The following HHAT variants were observed in gnomAD, a reference collection of about 807,000 sequenced individuals.
The protein encoded by HHAT is protein-cysteine N-palmitoyltransferase HHAT.
Under a neutral mutation model 70.8 loss-of-function variants are expected in HHAT, and 47 were observed. The ratio of observed to expected loss-of-function variants is 0.66; its 90% CI spans 0.53 to 0.85. The LOEUF (loss-of-function observed/expected upper bound fraction) is 0.85. HHAT is among the 40% of genes least tolerant of loss of function. The pLI is 0.00. For synonymous variants in HHAT, 228 were observed against 247.6 expected, an observed-to-expected ratio of 0.92 and a Z score of 0.74; for missense variants, 609 against 604.8, an observed-to-expected ratio of 1.01 and a Z score of -0.07.
intron 11 of HHAT, among the ~76,000 whole-genome samples, chr1:210,655,475 A>T (rs773558863): frequency 2.0e-5 from 3 of 152,178 alleles, no homozygotes; most frequent in African/African-American, 7.2e-5. Flanking sequence ...TAGGAAATTT[A>T]GGCAGCCCAG....
At chr1:210,563,170 C>T (rs2095640068) in intron 9 of HHAT, among the ~76,000 whole-genome samples, 1 of 152,026 alleles carries the variant, frequency 6.6e-6, no homozygotes, top group African/African-American at 2.4e-5. Context: ...GTGGTAAGTA[C>T]CTAGAGGGAA....
intron 6 of HHAT, among the ~76,000 whole-genome samples, chr1:210,406,624 G>C (rs1197451411): frequency 6.6e-6 from 1 of 152,018 alleles, no homozygotes; most frequent in Non-Finnish European, 1.5e-5. Context: ...TAACTCCTGA[G>C]GTCAGGCAAT....
chr1:210,354,999 C>G (rs1240454747), intron 2 of HHAT, among the ~76,000 whole-genome samples: 1 of 152,088 alleles, frequency 6.6e-6, no homozygotes, highest in Admixed American at 6.5e-5. Flanking sequence ...TCTTTCATCA[C>G]TTCCCTTAAT....
At chr1:210,397,312 ATTC>A (rs1474550871) in intron 4 of HHAT, among the ~76,000 whole-genome samples, 1 of 152,228 alleles carries the variant, frequency 6.6e-6, no homozygotes, top group Admixed American at 6.5e-5. Context: ...GATCAATGTG[ATTC>A]TTTGTCTTCT....
intron 2 of HHAT, among the ~76,000 whole-genome samples, chr1:210,349,494 A>C (rs1216893222): frequency 6.6e-6 from 1 of 151,966 alleles, no homozygotes; most frequent in Non-Finnish European, 1.5e-5. Context: ...TTCCAGCCCA[A>C]AGGAAGGGGA....
intron 1 of HHAT, among the ~76,000 whole-genome samples, chr1:210,332,442 G>A (rs868734487): frequency 4.6e-5 from 7 of 152,194 alleles, no homozygotes; most frequent in African/African-American, 1.2e-4. Flanking sequence ...ATTGCGTACC[G>A]CAGTGACTCA....
intron 8 of HHAT, among the ~76,000 whole-genome samples, chr1:210,470,715 T>A (rs1312354989): frequency 6.6e-6 from 1 of 152,174 alleles, no homozygotes; most frequent in African/African-American, 2.4e-5. Flanking sequence ...CAATCTGATG[T>A]AAGAAGCACC....
At chr1:210,655,863 C>T (rs1290359030) in intron 11 of HHAT, among the ~76,000 whole-genome samples, 2 of 152,118 alleles carry the variant, frequency 1.3e-5, no homozygotes, top group African/African-American at 4.8e-5. Context: ...GACTGACTTT[C>T]TGGGGGGAGG....
At chr1:210,414,732 A>G (rs1558470026) in intron 6 of HHAT, among the ~76,000 whole-genome samples, 2 of 152,218 alleles carry the variant, frequency 1.3e-5, no homozygotes, top group South Asian at 2.1e-4. Flanking sequence ...AAAAGAACCA[A>G]TTTGGCTGGG....
intron 3 of HHAT, among the ~76,000 whole-genome samples, chr1:210,368,858 A>G: frequency 6.6e-6 from 1 of 152,052 alleles, no homozygotes; most frequent in East Asian, 1.9e-4. Flanking sequence ...TGGGCGGATC[A>G]CCTGAGGTCA....
At chr1:210,500,376 G>A (rs2094729699) in intron 8 of HHAT, among the ~76,000 whole-genome samples, 1 of 152,190 alleles carries the variant, frequency 6.6e-6, no homozygotes, top group Non-Finnish European at 1.5e-5. Flanking sequence ...TTAGTTTTGT[G>A]TTGAATTCTT....
chr1:210,420,818 A>G (rs180993277), intron 7 of HHAT, among the ~76,000 whole-genome samples: 1 of 152,230 alleles, frequency 6.6e-6, no homozygotes, highest in East Asian at 1.9e-4. Flanking sequence ...TTTCGGTTCC[A>G]TATTATTCTA....
intron 7 of HHAT, among the ~76,000 whole-genome samples, chr1:210,459,557 C>G (rs1035401341): frequency 2.0e-5 from 3 of 152,072 alleles, no homozygotes; most frequent in Admixed American, 6.6e-5. Context: ...GAGGACAGAT[C>G]ATAAGGGAGT....
intron 5 of HHAT, 74 bp from the exon 6 acceptor site, chr1:210,404,390 C>A: frequency 8.4e-7 from 1 of 1,194,588 alleles, no homozygotes; most frequent in Non-Finnish European, 1.2e-6. Flanking sequence ...GCCCTGCTGG[C>A]CAGCACCTGC....
chr1:210,669,509 A>G (rs1368697030), intron 11 of HHAT, among the ~76,000 whole-genome samples: 2 of 152,170 alleles, frequency 1.3e-5, no homozygotes, highest in Non-Finnish European at 2.9e-5. Context: ...CTATTGTGCC[A>G]TACATCCTAG....
chr1:210,409,984 C>T (rs113741858), intron 6 of HHAT, among the ~76,000 whole-genome samples: 2,976 of 152,102 alleles, frequency 0.02, 112 homozygotes, highest in African/African-American at 0.068. Flanking sequence ...GCAAGAGAGC[C>T]GCCCTGCACA....
intron 9 of HHAT, among the ~76,000 whole-genome samples, chr1:210,532,113 A>T (rs1324316001): frequency 6.6e-6 from 1 of 152,256 alleles, no homozygotes. Context: ...TTATTTGCAG[A>T]CAATGTGTTT....
intron 9 of HHAT, among the ~76,000 whole-genome samples, chr1:210,573,942 C>G (rs1175859464): frequency 1.3e-5 from 2 of 152,110 alleles, no homozygotes; most frequent in African/African-American, 4.8e-5. Context: ...AAGGAAAGAG[C>G]AGGAGACAAA....
At chr1:210,618,030 G>C (rs1168681983) in intron 10 of HHAT, among the ~76,000 whole-genome samples, 2 of 152,334 alleles carry the variant, frequency 1.3e-5, no homozygotes, top group African/African-American at 4.8e-5. Flanking sequence ...CTTGGATGCT[G>C]TGTAGTTGAG....
Sources: gnomAD v4.1 joint callset for allele counts (sites outside exome capture counted in the v4.1 genomes callset) on GRCh38, gnomAD v4.1.1 for gene constraint, MANE v1.5 for transcripts, NCBI Gene and HGNC (gene_info 2026-07-23, HGNC 2026-07-21) for gene names.